Variants in GAD1 observed in about 807,000 individuals in gnomAD.
The protein encoded by GAD1 is glutamate decarboxylase 1.
Under a neutral mutation model 75.2 loss-of-function variants are expected in GAD1, and 35 were observed. That is an observed-to-expected ratio of 0.47 (90% CI 0.36 to 0.62). The LOEUF is 0.62. GAD1 is among the 20% of genes least tolerant of loss of function. The pLI, the probability that GAD1 is intolerant of heterozygous loss-of-function variation, is 0.00. For missense variants in GAD1, 490 were observed against 758.5 expected, an observed-to-expected ratio of 0.65 and a Z score of 4.16; for synonymous variants, 257 against 271.9, an observed-to-expected ratio of 0.95 and a Z score of 0.54.
chr2:170,822,457 C>A (rs906922581), intron 3 of GAD1, among the ~76,000 whole-genome samples: 16 of 152,240 alleles, frequency 1.1e-4, no homozygotes, highest in Non-Finnish European at 1.8e-4. Flanking sequence ...GGCAACCCCG[C>A]CTTCCTAGCC....
rs148815734 is a variant in GAD1 at position 170,855,540 on chromosome 2, T to C, written c.1414-1478T>C. ...GACTTAATATAGAAATAGTCTGAAT[T>C]TGATTTCTATTACAAAGTAATCATA... On this transcript the variant is annotated intron_variant, in intron 14 of 16. Transcript: ENST00000358196. 3.2e-3 allele frequency among the ~76,000 whole-genome samples: 491 copies of C among 151,940 alleles called. 4 individuals are homozygous for C. The highest frequency in any genetic ancestry group is 0.011 in the African/African-American group (464 of 41,436).
In GAD1 at chr2:170,848,899, C is replaced by A. The variant is rs1006469384; in HGVS notation, c.1120-387C>A. 2.2e-5 allele frequency: 10 copies of A among 454,538 alleles called. No homozygotes were observed. In the East Asian group the frequency reaches 6.2e-4, roughly 28 times the overall value. 28.2% of individuals were successfully genotyped at this position (454,538 alleles called of 1,614,324 possible). A position where few individuals can be genotyped will look rare whatever the true frequency, so the allele number is the denominator to read the frequency against. On this transcript the variant is annotated intron_variant, in intron 11 of 16. Transcript: ENST00000358196. ...TTTCAGGAGCTGTTAGAATTCTACT[C>A]TGGGAAGAACCAGACAGCAGGCCTC... is the stretch of plus-strand genomic sequence containing the variant.
In GAD1 at chr2:170,856,237, C is replaced by T. The variant is rs527701346; in HGVS notation, c.1414-781C>T. On this transcript the variant is annotated intron_variant, in intron 14 of 16. Transcript: ENST00000358196. ...GACCCACTCAACAACCCTCATACTG[C>T]TGTTATTAATCAGCCATGCTGGCTT... Among the ~76,000 whole-genome samples, 104 of 152,218 alleles carry T rather than the reference C, an allele frequency of 6.8e-4. 1 individual carries two copies. The highest frequency in any genetic ancestry group is 1.2e-3 in the Non-Finnish European group (82 of 68,038).
rs1701784699 is a variant in GAD1 at position 170,818,844 on chromosome 2, A to T, written c.82+171A>T. Reference sequence around the variant, plus strand: ...GCCAGAGGTCATTCGGCTGTCAGGGACGCTAGGTGACTCCCAGGGCACCGG... The same window carrying T: ...GCCAGAGGTCATTCGGCTGTCAGGGTCGCTAGGTGACTCCCAGGGCACCGG... On this transcript the variant is annotated intron_variant, in intron 2 of 16. Transcript: ENST00000358196. The surrounding 1 kb of genome is among the most constrained non-coding windows in gnomAD (Gnocchi z 5.9). Among the ~76,000 whole-genome samples the T allele has an allele frequency of 6.6e-6, 1 of 151,992 alleles. No individual in the cohort carries two copies. Among genetic ancestry groups the T allele is most frequent in the Non-Finnish European group, 1.5e-5 (1 of 68,002 alleles).
At chr2:170,835,895 A>T (rs1702359181) in intron 5 of GAD1, among the ~76,000 whole-genome samples, 1 of 152,240 alleles carries the variant, frequency 6.6e-6, no homozygotes, top group African/African-American at 2.4e-5. Flanking sequence ...CCCCATACTT[A>T]AACTAAGTTT....
intron 5 of GAD1, among the ~76,000 whole-genome samples, chr2:170,834,544 T>A (rs1173425274): frequency 6.6e-6 from 1 of 152,220 alleles, no homozygotes; most frequent in Non-Finnish European, 1.5e-5. Flanking sequence ...GCTACTTAAG[T>A]GATTTGTAGA....
chr2:170,842,753 C>T, intron 6 of GAD1: 1 of 1,530,478 alleles, frequency 6.5e-7, no homozygotes, highest in Non-Finnish European at 8.8e-7. Context: ...ATACTTCTAC[C>T]AACATATCTG....
intron 2 of GAD1, chr2:170,821,807 G>A: frequency 2.0e-6 from 1 of 494,756 alleles, no homozygotes. Context: ...GGAGCTGCCG[G>A]GCGGGGGTCG....
chr2:170,842,800 C>A, intron 6 of GAD1: 1 of 1,350,316 alleles, frequency 7.4e-7, no homozygotes, highest in Non-Finnish European at 9.9e-7. Context: ...CTTTTACCTC[C>A]ATGTGATTAA....
upstream of GAD1, among the ~76,000 whole-genome samples, chr2:170,815,653 T>C (rs1304451114): frequency 6.6e-6 from 1 of 151,964 alleles, no homozygotes; most frequent in Admixed American, 6.5e-5. Context: ...CCACGGTAAA[T>C]ACCAGTAAAG....
rs568985468 is a variant in GAD1 at position 170,844,036 on chromosome 2, C to T, written c.639-9C>T. Reference sequence around the variant, plus strand: ...TTTTCTTTCATCCTTCTTCTTACCACCTTTCCAGGTTTACATATGAAATTG... The same window carrying T: ...TTTTCTTTCATCCTTCTTCTTACCATCTTTCCAGGTTTACATATGAAATTG... On this transcript the variant is annotated splice_polypyrimidine_tract_variant and intron_variant, in intron 6 of 16. Transcript: ENST00000358196. 12 of 1,439,276 alleles carry T rather than the reference C, an allele frequency of 8.3e-6. 1 individual carries two copies. In the Middle Eastern group the frequency reaches 8.7e-4, roughly 104 times the overall value. 89.2% of individuals were successfully genotyped at this position (1,439,276 alleles called of 1,614,324 possible).
At chr2:170,828,041 C>A (rs1336242388) in intron 3 of GAD1, among the ~76,000 whole-genome samples, 1 of 151,460 alleles carries the variant, frequency 6.6e-6, no homozygotes. Flanking sequence ...TCTCCTTCTG[C>A]CATCCTCACC....
chr2:170,829,926 T>A, intron 4 of GAD1: 1 of 399,216 alleles, frequency 2.5e-6, no homozygotes, highest in East Asian at 5.6e-5. Flanking sequence ...GAACCTTGCA[T>A]ATAAGAAAAT....
chr2:170,814,145 A>G (rs1298127619), upstream of GAD1, among the ~76,000 whole-genome samples: 4 of 152,210 alleles, frequency 2.6e-5, no homozygotes, highest in African/African-American at 9.6e-5. Context: ...TAGGTTTCAA[A>G]TGTTGTTTAG....
intron 6 of GAD1, among the ~76,000 whole-genome samples, chr2:170,837,733 A>T (rs535318553): frequency 1.4e-4 from 22 of 152,382 alleles, no homozygotes; most frequent in African/African-American, 5.3e-4. Context: ...ATAATAATTT[A>T]AAAACAACTA....
At chr2:170,843,777 T>G (rs1702573540) in intron 6 of GAD1, 3 of 464,788 alleles carry the variant, frequency 6.5e-6, no homozygotes, top group Non-Finnish European at 1.2e-5. Flanking sequence ...GGACCATGCC[T>G]AAGACATTCC....
intron 2 of GAD1, 47 bp from the exon 3 acceptor site, chr2:170,822,040 G>A: frequency 1.3e-6 from 2 of 1,509,054 alleles, no homozygotes; most frequent in Non-Finnish European, 1.8e-6. Flanking sequence ...ATTTCCCCGC[G>A]GTCGGAACCT....
chr2:170,831,655 T>C (rs1278262274), intron 5 of GAD1, among the ~76,000 whole-genome samples: 2 of 143,538 alleles, frequency 1.4e-5, no homozygotes, highest in African/African-American at 5.1e-5. Context: ...TTTTTATATA[T>C]AAATATTTAT....
At chr2:170,839,944 A>T (rs1702470199) in intron 6 of GAD1, among the ~76,000 whole-genome samples, 1 of 152,210 alleles carries the variant, frequency 6.6e-6, no homozygotes, top group African/African-American at 2.4e-5. Context: ...ATCCAGGAGA[A>T]ATTCTCTATG....
Sources: gnomAD v4.1 joint callset for allele counts (sites outside exome capture counted in the v4.1 genomes callset) on GRCh38, gnomAD v4.1.1 for gene constraint, Gnocchi (gnomAD v3.1) non-coding constraint, MANE v1.5 for transcripts, NCBI Gene and HGNC (gene_info 2026-07-23, HGNC 2026-07-21) for gene names.